NRG1: variants seen among roughly 807,000 people sequenced by gnomAD.
NRG1 encodes neuregulin 1, also known as pro-neuregulin-1, membrane-bound isoform.
NRG1 carries 18 observed loss-of-function variants against 63.8 expected under a neutral mutation model. The ratio of observed to expected loss-of-function variants is 0.28; its 90% CI spans 0.19 to 0.42. NRG1 has a LOEUF of 0.42. Among genes scored for constraint, NRG1 ranks in the 10% least tolerant of loss-of-function variants. The pLI, the probability that NRG1 is intolerant of heterozygous loss-of-function variation, is 1.00. For synonymous variants in NRG1, 302 were observed against 301.3 expected, an observed-to-expected ratio of 1.00 and a Z score of -0.02; for missense variants, 762 against 814.7, an observed-to-expected ratio of 0.94 and a Z score of 0.79.
chr8:32,070,792 C>T (rs1825647738), intron 1 of NRG1, among the ~76,000 whole-genome samples: 1 of 152,200 alleles, frequency 6.6e-6, no homozygotes, highest in African/African-American at 2.4e-5. Flanking sequence ...ATAAGGGCCT[C>T]TTGCTTATAA....
At chr8:32,665,014 T>A (rs1331129332) in intron 5 of NRG1, among the ~76,000 whole-genome samples, 1 of 152,156 alleles carries the variant, frequency 6.6e-6, no homozygotes, top group Non-Finnish European at 1.5e-5. Context: ...CTTCCCCTGA[T>A]GTTATACAAA....
intron 1 of NRG1, among the ~76,000 whole-genome samples, chr8:31,977,436 C>G (rs1808373519): frequency 6.6e-6 from 1 of 152,008 alleles, no homozygotes; most frequent in Non-Finnish European, 1.5e-5. Context: ...TGTTTTTCAA[C>G]TATCTTTTTA....
chr8:32,710,921 C>T (rs1554644495), intron 5 of NRG1, among the ~76,000 whole-genome samples: 1 of 152,268 alleles, frequency 6.6e-6, no homozygotes, highest in South Asian at 2.1e-4. Flanking sequence ...ATCAGTTTGA[C>T]TCACAGTGGC....
intron 1 of NRG1, among the ~76,000 whole-genome samples, chr8:32,458,627 A>G (rs1821914433): frequency 6.7e-6 from 1 of 148,652 alleles, no homozygotes. Context: ...TAGATATCAT[A>G]CCTCTTTATG....
chr8:32,728,514 A>G (rs1352227954), intron 6 of NRG1: 11 of 985,312 alleles, frequency 1.1e-5, no homozygotes, highest in Non-Finnish European at 1.3e-5. Context: ...AAAGAGAAGC[A>G]GAAGGGCAGA....
intron 1 of NRG1, among the ~76,000 whole-genome samples, chr8:32,366,677 G>A (rs111950261): frequency 0.015 from 1,271 of 86,476 alleles, 22 homozygotes; most frequent in African/African-American, 0.045. Flanking sequence ...GTGTGTGTGT[G>A]TATATATATA....
intron 1 of NRG1, among the ~76,000 whole-genome samples, chr8:31,894,850 C>T (rs1378910358): frequency 6.6e-6 from 1 of 152,000 alleles, no homozygotes; most frequent in African/African-American, 2.4e-5. Context: ...GCACCCGGCC[C>T]ATAATTACTA....
chr8:32,186,472 A>G (rs1841980342), intron 1 of NRG1, among the ~76,000 whole-genome samples: 2 of 151,854 alleles, frequency 1.3e-5, no homozygotes, highest in Admixed American at 1.3e-4. Flanking sequence ...AAAAAAAAAA[A>G]AAAAGAAAAA....
At chr8:31,742,454 AATTTTTTTT>A (rs1023903388) in intron 1 of NRG1, among the ~76,000 whole-genome samples, 2 of 43,252 alleles carry the variant, frequency 4.6e-5, no homozygotes, top group African/African-American at 8.1e-5. Context: ...CTTTTTTAAG[AATTTTTTTT>A]TTTTTTTTTT....
At chr8:32,704,832 A>T (rs560179430) in intron 5 of NRG1, among the ~76,000 whole-genome samples, 1 of 152,332 alleles carries the variant, frequency 6.6e-6, no homozygotes, top group African/African-American at 2.4e-5. Context: ...GTCCTGGTGC[A>T]TTCATCTGCT....
chr8:32,248,119 C>T (rs1413466029), intron 1 of NRG1, among the ~76,000 whole-genome samples: 3 of 152,048 alleles, frequency 2.0e-5, no homozygotes, highest in Non-Finnish European at 4.4e-5. Flanking sequence ...TAAAATGACT[C>T]TATTTTTTTC....
intron 1 of NRG1, among the ~76,000 whole-genome samples, chr8:32,090,125 C>A (rs1046392096): frequency 6.6e-6 from 1 of 152,096 alleles, no homozygotes; most frequent in African/African-American, 2.4e-5. Flanking sequence ...AGATACTGGG[C>A]AAGTCATTTC....
intron 1 of NRG1, among the ~76,000 whole-genome samples, chr8:32,559,255 A>AAAAAAAAAAAAT (rs1563645453): frequency 6.6e-6 from 1 of 150,400 alleles, no homozygotes; most frequent in Non-Finnish European, 1.5e-5. Context: ...TAAAAAAAAA[A>AAAAAAAAAAAAT]AAAAAAAATC....
At chr8:31,940,547 A>G (rs1801595948) in intron 1 of NRG1, among the ~76,000 whole-genome samples, 1 of 152,192 alleles carries the variant, frequency 6.6e-6, no homozygotes, top group South Asian at 2.1e-4. Flanking sequence ...AGAAATAACG[A>G]GGATCAGAGC....
At chr8:32,434,529 C>T (rs147242591) in intron 1 of NRG1, among the ~76,000 whole-genome samples, 17 of 152,198 alleles carry the variant, frequency 1.1e-4, no homozygotes, top group African/African-American at 4.1e-4. Context: ...CCCCAGAAGC[C>T]CAGATCGGGA....
intron 1 of NRG1, among the ~76,000 whole-genome samples, chr8:32,476,085 G>A (rs1353314309): frequency 2.0e-5 from 3 of 152,180 alleles, no homozygotes; most frequent in East Asian, 3.8e-4. Flanking sequence ...ATGTGTGGAT[G>A]TGAAGGACAC....
At chr8:31,807,642 G>T (rs1051657877) in intron 1 of NRG1, among the ~76,000 whole-genome samples, 1 of 152,124 alleles carries the variant, frequency 6.6e-6, no homozygotes. Context: ...CTGCAATACA[G>T]TATTGTTGAC....
intron 1 of NRG1, among the ~76,000 whole-genome samples, chr8:31,890,324 A>G (rs1831049489): frequency 6.6e-6 from 1 of 152,240 alleles, no homozygotes; most frequent in African/African-American, 2.4e-5. Flanking sequence ...TAATTTTCTG[A>G]TACGGAAAAT....
chr8:31,916,619 G>T (rs1396941208), intron 1 of NRG1, among the ~76,000 whole-genome samples: 1 of 152,128 alleles, frequency 6.6e-6, no homozygotes, highest in Non-Finnish European at 1.5e-5. Flanking sequence ...GGACATTTGG[G>T]TTGGTTCCAA....
Sources: gnomAD v4.1 joint callset for allele counts (sites outside exome capture counted in the v4.1 genomes callset) on GRCh38, gnomAD v4.1.1 for gene constraint, MANE v1.5 for transcripts, NCBI Gene and HGNC (gene_info 2026-07-23, HGNC 2026-07-21) for gene names.